The following ABCC9 variants were observed in gnomAD, a reference collection of about 807,000 sequenced individuals.
ABCC9 encodes ATP binding cassette subfamily C member 9.
A neutral mutation model predicts 188.3 loss-of-function variants in ABCC9; 95 were observed. That is an observed-to-expected ratio of 0.50 (90% CI 0.43 to 0.60). ABCC9 has a LOEUF of 0.60. ABCC9 is among the 20% of genes least tolerant of loss of function. ABCC9 has a pLI of 0.00. For missense variants in ABCC9, 1,102 were observed against 1,876.3 expected, an observed-to-expected ratio of 0.59 and a Z score of 7.62; for synonymous variants, 659 against 652.7, an observed-to-expected ratio of 1.01 and a Z score of -0.15.
chr12:21,934,616 C>G (rs375196961), intron 3 of ABCC9, among the ~76,000 whole-genome samples: 5 of 151,586 alleles, frequency 3.3e-5, no homozygotes, highest in Non-Finnish European at 7.4e-5. Context: ...TTAGTTACTA[C>G]GTAGAGTAAT....
intron 12 of ABCC9, among the ~76,000 whole-genome samples, chr12:21,896,189 G>GT (rs1162700914): frequency 4.7e-5 from 7 of 150,134 alleles, no homozygotes; most frequent in African/African-American, 1.7e-4. Flanking sequence ...GTGCCATGCT[G>GT]GTGCGCTGCA....
intron 8 of ABCC9, among the ~76,000 whole-genome samples, chr12:21,911,830 A>G (rs1309628223): frequency 1.3e-5 from 2 of 152,002 alleles, no homozygotes; most frequent in African/African-American, 4.8e-5. Context: ...AGATATCCGT[A>G]TGTAATTAGG....
intron 4 of ABCC9, among the ~76,000 whole-genome samples, chr12:21,931,298 A>G (rs539835137): frequency 6.6e-6 from 1 of 152,180 alleles, no homozygotes. Context: ...CACCATATGA[A>G]GAAGGAATTG....
chr12:21,822,792 A>G (rs1363225335), intron 31 of ABCC9, among the ~76,000 whole-genome samples: 3 of 98,048 alleles, frequency 3.1e-5, no homozygotes, highest in Non-Finnish European at 7.3e-5. Flanking sequence ...CTCCGTCTCA[A>G]AAAAAAAAAA....
At chr12:21,848,345 C>A in intron 24 of ABCC9, 99 bp from the exon 25 acceptor site, 2 of 1,014,180 alleles carry the variant, frequency 2.0e-6, no homozygotes, top group South Asian at 1.3e-5. Context: ...TTACCTTTAC[C>A]AATCTCAAGC....
chr12:21,802,147 A>C (rs982075551), intron 39 of ABCC9, among the ~76,000 whole-genome samples: 3 of 152,200 alleles, frequency 2.0e-5, no homozygotes, highest in Admixed American at 2.0e-4. Flanking sequence ...AATCTTGAGC[A>C]ATATACTTAA....
chr12:21,865,483 G>A (rs704198), intron 18 of ABCC9, among the ~76,000 whole-genome samples: 151,030 of 152,274 alleles, frequency 0.99, 74,904 homozygotes, highest in Middle Eastern at 1. Context: ...TATTTTCCAC[G>A]CAATATGCTT....
At chr12:21,889,808 A>G (rs918848259) in intron 14 of ABCC9, among the ~76,000 whole-genome samples, 2 of 151,958 alleles carry the variant, frequency 1.3e-5, no homozygotes, top group African/African-American at 4.8e-5. Flanking sequence ...TCTTCTTAAC[A>G]CCCCACTTTG....
At chr12:21,821,078 T>C (rs1049242633) in intron 31 of ABCC9, among the ~76,000 whole-genome samples, 1 of 152,164 alleles carries the variant, frequency 6.6e-6, no homozygotes, top group Admixed American at 6.5e-5. Flanking sequence ...TCATAAAACA[T>C]TCACTGAGTT....
intron 36 of ABCC9, among the ~76,000 whole-genome samples, chr12:21,810,548 T>G (rs1311088672): frequency 6.6e-6 from 1 of 151,952 alleles, no homozygotes; most frequent in Non-Finnish European, 1.5e-5. Context: ...GAGAGAGAAG[T>G]ATTAAGCAAA....
chr12:21,861,074 T>C lies in ABCC9; in HGVS notation c.2340-19A>G, dbSNP rs1945480653. On this transcript the variant is annotated intron_variant, in intron 20 of 39. Transcript: ENST00000261200. ...TTTGTACCTTTGGGAGAAATGATTTTGAATTTTTAGATCTCAATTAATACA... is the reference window on the plus strand; with the variant it reads ...TTTGTACCTTTGGGAGAAATGATTTCGAATTTTTAGATCTCAATTAATACA... 1 of 1,599,332 alleles carries C rather than the reference T, an allele frequency of 6.3e-7. No homozygotes were observed. The highest frequency in any genetic ancestry group is 8.6e-7 in the Non-Finnish European group (1 of 1,167,376).
In ABCC9 at chr12:21,807,528, A is replaced by G. The variant is rs755201053; in HGVS notation, c.4316-49T>C. On this transcript the variant is annotated intron_variant, in intron 37 of 39. Coordinates refer to ENST00000261200, the MANE Select transcript of ABCC9 (RefSeq NM_020297.4). ...ATTTCACTAAAGAAATGCTACTAACATTTACCTTGGACAAAATCATGAAAA... is the reference window on the plus strand; with the variant it reads ...ATTTCACTAAAGAAATGCTACTAACGTTTACCTTGGACAAAATCATGAAAA... The G allele has an allele frequency of 1.9e-6, 3 of 1,612,244 alleles. No individual in the cohort carries two copies. In the South Asian group the frequency reaches 3.3e-5, roughly 18 times the overall value.
chr12:21,818,314 A>G, intron 31 of ABCC9, 63 bp from the exon 32 acceptor site: 1 of 1,270,078 alleles, frequency 7.9e-7, no homozygotes, highest in South Asian at 1.2e-5. Context: ...AAGTTCAATC[A>G]ATTTACAGAG....
intron 31 of ABCC9, among the ~76,000 whole-genome samples, chr12:21,819,141 C>T (rs957729821): frequency 3.9e-5 from 6 of 152,062 alleles, no homozygotes; most frequent in South Asian, 2.1e-4. Flanking sequence ...CATTTCCCAG[C>T]GTTCTTAGGT....
chr12:21,850,347 G>A (rs983733945), intron 24 of ABCC9, among the ~76,000 whole-genome samples: 8 of 152,020 alleles, frequency 5.3e-5, no homozygotes, highest in Non-Finnish European at 8.8e-5. Context: ...TTCACAGTGT[G>A]ATTCTGGCTG....
intron 16 of ABCC9, among the ~76,000 whole-genome samples, chr12:21,881,230 T>C (rs1450581536): frequency 6.6e-6 from 1 of 152,162 alleles, no homozygotes; most frequent in African/African-American, 2.4e-5. Context: ...GAGCTGCTGA[T>C]ATAAATATGT....
intron 16 of ABCC9, among the ~76,000 whole-genome samples, chr12:21,877,033 G>T (rs759142061): frequency 8.5e-5 from 13 of 152,136 alleles, no homozygotes; most frequent in Admixed American, 6.5e-5. Flanking sequence ...AAGGAGGGTC[G>T]CATGGAAGGG....
intron 39 of ABCC9, chr12:21,805,433 G>A: frequency 1.1e-6 from 1 of 886,532 alleles, no homozygotes; most frequent in Non-Finnish European, 1.8e-6. Flanking sequence ...TTGCAAAGAG[G>A]AAAAGGCAGA....
intron 36 of ABCC9, among the ~76,000 whole-genome samples, chr12:21,810,419 G>C (rs1428327365): frequency 6.6e-6 from 1 of 152,158 alleles, no homozygotes; most frequent in Non-Finnish European, 1.5e-5. Flanking sequence ...CCGAGACTGG[G>C]TAATTTATAA....
Sources: gnomAD v4.1 joint callset for allele counts (sites outside exome capture counted in the v4.1 genomes callset) on GRCh38, gnomAD v4.1.1 for gene constraint, MANE v1.5 for transcripts, NCBI Gene and HGNC (gene_info 2026-07-23, HGNC 2026-07-21) for gene names.